Variants in ADAMTS3 observed in about 807,000 individuals in gnomAD.
ADAMTS3 encodes the protein ADAM metallopeptidase with thrombospondin type 1 motif 3.
ADAMTS3 carries 73 observed loss-of-function variants against 129.0 expected under a neutral mutation model. The ratio of observed to expected loss-of-function variants is 0.57; its 90% CI spans 0.47 to 0.69. ADAMTS3 has a LOEUF of 0.69. Among genes scored for constraint, ADAMTS3 ranks in the 30% least tolerant of loss-of-function variants. ADAMTS3 has a pLI of 0.00. For missense variants in ADAMTS3, 1,457 were observed against 1,514.5 expected (o/e 0.96, Z 0.63); for synonymous variants, 477 against 510.8 (o/e 0.93, Z 0.89).
chr4:72,418,232 T>C (rs1400033808), intron 3 of ADAMTS3, among the ~76,000 whole-genome samples: 1 of 152,062 alleles, frequency 6.6e-6, no homozygotes, highest in Non-Finnish European at 1.5e-5. Flanking sequence ...TCAACTGAAA[T>C]GTTCCTAGTC....
chr4:72,438,851 C>T (rs77432276), intron 3 of ADAMTS3, among the ~76,000 whole-genome samples: 2,088 of 151,746 alleles, frequency 0.014, 54 homozygotes, highest in African/African-American at 0.048. Flanking sequence ...ATTTTGAGAA[C>T]GGCAGTGCTA....
intron 4 of ADAMTS3, among the ~76,000 whole-genome samples, chr4:72,408,756 C>T (rs1273783488): frequency 6.7e-6 from 1 of 150,234 alleles, no homozygotes; most frequent in Non-Finnish European, 1.5e-5. Context: ...GAATACTATG[C>T]AGCCATAAAA....
chr4:72,464,133 G>A (rs771713342), intron 3 of ADAMTS3, among the ~76,000 whole-genome samples: 6 of 151,988 alleles, frequency 3.9e-5, no homozygotes, highest in South Asian at 2.1e-4. Context: ...CTCAATGACC[G>A]TGCAAAACCT....
intron 3 of ADAMTS3, among the ~76,000 whole-genome samples, chr4:72,458,233 G>A (rs930086175): frequency 2.0e-5 from 3 of 151,546 alleles, no homozygotes; most frequent in Admixed American, 6.6e-5. Flanking sequence ...TGAACTAACA[G>A]GTTTCAAATA....
At chr4:72,367,977 CAA>C (rs1314324068) in intron 4 of ADAMTS3, among the ~76,000 whole-genome samples, 1 of 151,698 alleles carries the variant, frequency 6.6e-6, no homozygotes, top group East Asian at 1.9e-4. Context: ...ATTTAAAAAA[CAA>C]TAATTATACG....
At chr4:72,393,838 T>C (rs1229578728) in intron 4 of ADAMTS3, among the ~76,000 whole-genome samples, 2 of 152,230 alleles carry the variant, frequency 1.3e-5, no homozygotes, top group South Asian at 2.1e-4. Flanking sequence ...TCAGCATCTA[T>C]AACTAGATTA....
chr4:72,504,990 T>C (rs1245101950), intron 3 of ADAMTS3, among the ~76,000 whole-genome samples: 2 of 152,350 alleles, frequency 1.3e-5, no homozygotes, highest in East Asian at 3.9e-4. Context: ...TTTGTGTTGA[T>C]TTTCAACCTT....
Position 72,477,390 on chromosome 4 carries a change from C to A in ADAMTS3, c.505-62419G>T, listed in dbSNP as rs576989637. ...CTAGAACTCAGGATTAAGAAACTCA[C>A]TCAAAAGCGCTCAACTACATGGAAA... On this transcript the variant is annotated intron_variant, in intron 3 of 21. Coordinates refer to ENST00000286657, the MANE Select transcript of ADAMTS3 (RefSeq NM_014243.3). Among the ~76,000 whole-genome samples the A allele has an allele frequency of 1.5e-3, 223 of 152,280 alleles. 2 individuals are homozygous for A. Among genetic ancestry groups the A allele is most frequent in the Admixed American group, 0.011 (170 of 15,290 alleles).
chr4:72,318,787 T>C, intron 9 of ADAMTS3, 83 bp from the exon 10 acceptor site: 1 of 1,360,340 alleles, frequency 7.4e-7, no homozygotes, highest in Non-Finnish European at 1.0e-6. Context: ...AGTCTTAGCT[T>C]ATATACTTTA....
chr4:72,480,959 C>G (rs187997632), intron 3 of ADAMTS3, among the ~76,000 whole-genome samples: 1 of 151,926 alleles, frequency 6.6e-6, no homozygotes, highest in African/African-American at 2.4e-5. Context: ...CTATTTACAA[C>G]CATGAAAACA....
At chr4:72,486,348 A>G (rs985431216) in intron 3 of ADAMTS3, among the ~76,000 whole-genome samples, 1 of 152,204 alleles carries the variant, frequency 6.6e-6, no homozygotes, top group African/African-American at 2.4e-5. Context: ...TGGTTGAACA[A>G]CCACATTTGG....
chr4:72,354,262 T>G (rs529091811), intron 4 of ADAMTS3, among the ~76,000 whole-genome samples: 11 of 152,096 alleles, frequency 7.2e-5, no homozygotes, highest in Admixed American at 1.3e-4. Flanking sequence ...CCTGTTGATA[T>G]TCCTCCCAAC....
At chr4:72,350,084 T>C (rs1400436168) in intron 4 of ADAMTS3, among the ~76,000 whole-genome samples, 1 of 152,026 alleles carries the variant, frequency 6.6e-6, no homozygotes, top group Admixed American at 6.6e-5. Context: ...ATTATTCAAG[T>C]TAAATTTAAT....
chr4:72,441,760 T>C (rs539831731), intron 3 of ADAMTS3: 3 of 149,748 alleles, frequency 2.0e-5, no homozygotes, highest in East Asian at 3.9e-4. Context: ...TCAATGTTGT[T>C]GCTACCAGCT....
At chr4:72,432,631 T>C (rs1331754387) in intron 3 of ADAMTS3, among the ~76,000 whole-genome samples, 2 of 151,978 alleles carry the variant, frequency 1.3e-5, no homozygotes, top group Non-Finnish European at 2.9e-5. Context: ...AAGATTATGA[T>C]ACTTAAGTAT....
At chr4:72,434,817 T>C (rs1446091621) in intron 3 of ADAMTS3, among the ~76,000 whole-genome samples, 2 of 151,868 alleles carry the variant, frequency 1.3e-5, no homozygotes, top group African/African-American at 2.4e-5. Flanking sequence ...AGCTAGAGAA[T>C]CTTCCGCTGG....
At chr4:72,400,090 T>C (rs1721859579) in intron 4 of ADAMTS3, among the ~76,000 whole-genome samples, 1 of 57,236 alleles carries the variant, frequency 1.7e-5, no homozygotes, top group Non-Finnish European at 4.4e-5. Flanking sequence ...GGTGTGTATA[T>C]ACGTGTGTAT....
intron 16 of ADAMTS3, among the ~76,000 whole-genome samples, 161 bp from the exon 17 acceptor site, chr4:72,304,241 C>T (rs1719028612): frequency 1.3e-5 from 2 of 152,078 alleles, no homozygotes; most frequent in Admixed American, 6.6e-5. Context: ...TTTCCATTGT[C>T]TTGATTAGGC....
At chr4:72,402,742 C>T (rs1413191196) in intron 4 of ADAMTS3, among the ~76,000 whole-genome samples, 1 of 152,082 alleles carries the variant, frequency 6.6e-6, no homozygotes, top group Admixed American at 6.6e-5. Context: ...ATGTCGGAAT[C>T]TGTTTTTACA....
Sources: gnomAD v4.1 joint callset for allele counts (sites outside exome capture counted in the v4.1 genomes callset) on GRCh38, gnomAD v4.1.1 for gene constraint, MANE v1.5 for transcripts, NCBI Gene and HGNC (gene_info 2026-07-23, HGNC 2026-07-21) for gene names.